Variants in RAD54L2 observed in about 807,000 individuals in gnomAD.
RAD54L2 encodes RAD54 like 2, also known as helicase ARIP4.
In RAD54L2, 27 loss-of-function variants were observed where a neutral mutation model predicts 138.4. That is an observed-to-expected ratio of 0.20 (90% CI 0.14 to 0.27). The LOEUF (loss-of-function observed/expected upper bound fraction) is 0.27, where lower values mean the gene tolerates loss of function less well. Ranked by LOEUF, RAD54L2 falls within the 10% of genes least tolerant of loss-of-function variation. The pLI is 1.00. For synonymous variants in RAD54L2, 644 were observed against 723.2 expected (o/e 0.89, Z 1.76); for missense variants, 1,396 against 1,890.2 (o/e 0.74, Z 4.85).
At chr3:51,620,484 T>C (rs554975993) in intron 3 of RAD54L2, among the ~76,000 whole-genome samples, 35 of 150,114 alleles carry the variant, frequency 2.3e-4, no homozygotes, top group African/African-American at 8.6e-4. Flanking sequence ...GTAAATTGCA[T>C]GTCTCAGGAG....
intron 12 of RAD54L2, chr3:51,639,151 T>C (rs1701062690): frequency 4.2e-6 from 2 of 475,802 alleles, no homozygotes; most frequent in East Asian, 3.6e-5. Context: ...AAAAGGCTTG[T>C]GACAGCTTTT....
chr3:51,598,610 G>T (rs1175528780), intron 3 of RAD54L2, among the ~76,000 whole-genome samples: 1 of 152,036 alleles, frequency 6.6e-6, no homozygotes, highest in East Asian at 1.9e-4. Context: ...ACAAAAATTA[G>T]CTGGGCATGG....
In RAD54L2 at chr3:51,590,458, T is replaced by C. The variant is rs749894683; in HGVS notation, c.38T>C (p.Leu13Pro). ...TCTGCCTCAGGGAGCGATCCAGACC[T>C]GGACCCGGACGTGGAGCTGGAGGAT... ...DESASGSDPDLDPDVELEDAE... is the reference protein window; with the variant it reads ...DESASGSDPDPDPDVELEDAE... The change falls in exon 3 of 23, where the codon CTG (leucine) becomes CCG (proline). Residue 13 changes from leucine (L) to proline (P), a missense_variant. Physicochemically the swap from Leu to Pro is moderately conservative, Grantham distance 98. Around this residue, in one of 7 missense-constraint regions of RAD54L2, gnomAD observed 256 missense variants for 344.6 expected, o/e 0.74. Transcript: ENST00000684192. 26 of 1,551,354 alleles carry C rather than the reference T, an allele frequency of 1.7e-5. No homozygotes were observed. Among genetic ancestry groups the C allele is most frequent in the African/African-American group, 5.5e-5 (4 of 72,998 alleles).
chr3:51,582,041 A>C (rs538360960), intron 2 of RAD54L2, among the ~76,000 whole-genome samples: 1 of 151,842 alleles, frequency 6.6e-6, no homozygotes, highest in East Asian at 1.9e-4. Context: ...CTCTGGCCTC[A>C]GACTATAGGT....
rs1701252143 is a variant in RAD54L2, at chr3:51,645,313, A to G, written c.2656+84A>G. 2 of 1,353,308 alleles carry G rather than the reference A, an allele frequency of 1.5e-6. No homozygotes were observed. Among genetic ancestry groups the G allele is most frequent in the Non-Finnish European group, 2.1e-6 (2 of 972,350 alleles). The allele number at this position is 1,353,308 out of a possible 1,614,324, so 83.8% of individuals were successfully genotyped here. On this transcript the variant is annotated intron_variant, in intron 17 of 22. Coordinates refer to ENST00000684192, the MANE Select transcript of RAD54L2 (RefSeq NM_015106.4). This position sits in a 1 kb window ranked among gnomAD's most constrained non-coding sequence, Gnocchi z 6.1. ...ATCAAGGGTGGGAGAGGAGCAGGAT[A>G]TGGGAACACAGGCAGGCTTCGAGAA...
intron 2 of RAD54L2, among the ~76,000 whole-genome samples, chr3:51,543,280 G>A (rs1698599840): frequency 1.3e-5 from 2 of 152,006 alleles, no homozygotes; most frequent in Non-Finnish European, 2.9e-5. Context: ...GTAGTCAAAT[G>A]CCCCCTCCAT....
intron 2 of RAD54L2, among the ~76,000 whole-genome samples, chr3:51,566,800 A>G (rs1699229890): frequency 6.6e-6 from 1 of 152,080 alleles, no homozygotes; most frequent in African/African-American, 2.4e-5. Flanking sequence ...CTAGGCACCT[A>G]AGATGTATCA....
chr3:51,654,434 T>G (rs1577465826), intron 19 of RAD54L2, among the ~76,000 whole-genome samples: 1 of 152,274 alleles, frequency 6.6e-6, no homozygotes, highest in Non-Finnish European at 1.5e-5. Context: ...ATACCTGTAG[T>G]CCCAGCCTCT....
chr3:51,549,541 G>C (rs1323173696), intron 2 of RAD54L2, among the ~76,000 whole-genome samples: 1 of 152,024 alleles, frequency 6.6e-6, no homozygotes, highest in Non-Finnish European at 1.5e-5. Flanking sequence ...GCCAGGGCGG[G>C]GCGGTGGAGG....
In RAD54L2 at chr3:51,637,979, TTTC is replaced by T. The variant is rs1253684759; in HGVS notation, c.1683-159_1683-157del. On this transcript the variant is annotated intron_variant, in intron 11 of 22. Transcript: ENST00000684192. This position sits in a 1 kb window ranked among gnomAD's most constrained non-coding sequence, Gnocchi z 5.9. ...TGTTAGTTTTCATCCTTAAGGTGAGTTTCTTCTTGGTTGTTGAACCACTCTGCA... is the reference window on the plus strand; with the variant it reads ...TGTTAGTTTTCATCCTTAAGGTGAGTTTCTTGGTTGTTGAACCACTCTGCA... Among the ~76,000 whole-genome samples, 4 of 152,048 alleles carry T rather than the reference TTTC, an allele frequency of 2.6e-5. No individual in the cohort carries two copies.
intron 2 of RAD54L2, among the ~76,000 whole-genome samples, chr3:51,572,331 T>A (rs1577395801): frequency 6.6e-6 from 1 of 151,796 alleles, no homozygotes; most frequent in South Asian, 2.1e-4. Flanking sequence ...TGGGCACCTG[T>A]AATCCCAGCT....
intron 3 of RAD54L2, among the ~76,000 whole-genome samples, chr3:51,615,823 T>C (rs572070220): frequency 1.3e-5 from 2 of 152,296 alleles, no homozygotes; most frequent in Non-Finnish European, 2.9e-5. Context: ...TGGTTGTGGT[T>C]TTGTTCTTTT....
chr3:51,651,398 T>C (rs755793820), intron 19 of RAD54L2, among the ~76,000 whole-genome samples: 1 of 152,056 alleles, frequency 6.6e-6, no homozygotes, highest in Non-Finnish European at 1.5e-5. Context: ...ACTATGCCAA[T>C]CAATAGAAAA....
At chr3:51,627,447 C>T (rs1700716811) in intron 3 of RAD54L2, 106 bp from the exon 4 acceptor site, 3 of 1,073,564 alleles carry the variant, frequency 2.8e-6, no homozygotes, top group Non-Finnish European at 4.1e-6. Context: ...CCTTAGATTA[C>T]CAGCTAATAA....
chr3:51,556,818 C>T (rs1283774713), intron 2 of RAD54L2, among the ~76,000 whole-genome samples: 3 of 152,090 alleles, frequency 2.0e-5, no homozygotes, highest in Admixed American at 1.3e-4. Flanking sequence ...AAAGGTGATC[C>T]GCCCGCCTCT....
Position 51,639,642 on chromosome 3 carries a change from G to C in RAD54L2, c.2084G>C (p.Arg695Pro). ...QGVGFNPFQERGNNIVTYEWA... is the reference protein window; with the variant it reads ...QGVGFNPFQEPGNNIVTYEWA... ...GTTGGCTTCAACCCTTTCCAGGAGCGAGGCAACAACATTGTCACATATGAA... is the reference window on the plus strand; with the variant it reads ...GTTGGCTTCAACCCTTTCCAGGAGCCAGGCAACAACATTGTCACATATGAA... Residue 695 changes from arginine (R) to proline (P), a missense_variant, in exon 13 of 23, where the codon CGA becomes CCA. By Grantham distance (103) the Arg-to-Pro change is moderately radical (BLOSUM62 -2). This residue lies in a region of RAD54L2 where 211 missense variants were observed against 273.8 expected (regional missense o/e 0.77). Coordinates refer to ENST00000684192, the MANE Select transcript of RAD54L2 (RefSeq NM_015106.4). The C allele has an allele frequency of 6.2e-7, 1 of 1,613,798 alleles. No homozygotes were observed. The highest frequency in any genetic ancestry group is 2.2e-5 in the East Asian group (1 of 44,846).
intron 3 of RAD54L2, among the ~76,000 whole-genome samples, chr3:51,593,854 C>T (rs970361058): frequency 6.6e-5 from 10 of 151,966 alleles, no homozygotes; most frequent in Admixed American, 4.6e-4. Flanking sequence ...CTTAGGAATG[C>T]GCGTAGCTTA....
At chr3:51,592,214 C>A (rs570444491) in intron 3 of RAD54L2, among the ~76,000 whole-genome samples, 37 of 151,670 alleles carry the variant, frequency 2.4e-4, no homozygotes, top group Non-Finnish European at 5.2e-4. Flanking sequence ...CATGTGCCTG[C>A]CACCATGCCT....
At chr3:51,599,297 A>G (rs931352137) in intron 3 of RAD54L2, among the ~76,000 whole-genome samples, 3 of 152,182 alleles carry the variant, frequency 2.0e-5, no homozygotes, top group African/African-American at 7.2e-5. Context: ...AGAATACATC[A>G]TGTGATTCCA....
Sources: gnomAD v4.1 joint callset for allele counts (sites outside exome capture counted in the v4.1 genomes callset) on GRCh38, gnomAD v4.1.1 for gene constraint, gnomAD v4.1.1 regional missense constraint, Gnocchi (gnomAD v3.1) non-coding constraint, MANE v1.5 for transcripts, NCBI Gene and HGNC (gene_info 2026-07-23, HGNC 2026-07-21) for gene names.